The following OTOGL variants were observed in gnomAD, a reference collection of about 807,000 sequenced individuals.
OTOGL encodes the protein otogelin-like protein.
A neutral mutation model predicts 318.5 loss-of-function variants in OTOGL; 285 were observed. That is an observed-to-expected ratio of 0.89 (90% CI 0.81 to 0.99). The LOEUF is 0.99. OTOGL is among the 50% of genes least tolerant of loss of function. OTOGL has a pLI of 0.00. For synonymous variants in OTOGL, 987 were observed against 936.5 expected, an observed-to-expected ratio of 1.05 and a Z score of -0.99; for missense variants, 2,899 against 2,845.6, an observed-to-expected ratio of 1.02 and a Z score of -0.43.
intron 1 of OTOGL, among the ~76,000 whole-genome samples, chr12:80,120,776 G>A (rs1472499784): frequency 2.0e-5 from 3 of 152,120 alleles, no homozygotes; most frequent in African/African-American, 7.2e-5. Flanking sequence ...TGTCTGCAGA[G>A]TTGGGTTTAT....
intron 13 of OTOGL, among the ~76,000 whole-genome samples, chr12:80,253,230 C>G (rs1425492612): frequency 6.6e-6 from 1 of 151,990 alleles, no homozygotes; most frequent in Non-Finnish European, 1.5e-5. Context: ...TATGGTGAAC[C>G]TTGAGTTTTT....
At chr12:80,351,176 T>C (rs1012252580) in intron 44 of OTOGL, among the ~76,000 whole-genome samples, 1 of 152,248 alleles carries the variant, frequency 6.6e-6, no homozygotes, top group Non-Finnish European at 1.5e-5. Context: ...TTCCCCATTG[T>C]GTACTCTTGG....
intron 18 of OTOGL, among the ~76,000 whole-genome samples, chr12:80,260,457 C>G (rs1882434623): frequency 6.6e-6 from 1 of 152,062 alleles, no homozygotes; most frequent in Non-Finnish European, 1.5e-5. Flanking sequence ...TCTAAGGCAC[C>G]AGTCCCCGCC....
At chr12:80,292,988 A>T (rs1367015939) in intron 26 of OTOGL, among the ~76,000 whole-genome samples, 1 of 152,246 alleles carries the variant, frequency 6.6e-6, no homozygotes, top group Non-Finnish European at 1.5e-5. Flanking sequence ...TGGAAAGGTT[A>T]TCAAATATCA....
intron 32 of OTOGL, among the ~76,000 whole-genome samples, chr12:80,317,989 T>C (rs1045242694): frequency 6.6e-6 from 1 of 152,144 alleles, no homozygotes; most frequent in Admixed American, 6.6e-5. Context: ...GTGTCCCAGA[T>C]GATGGGTCAG....
At chr12:80,244,541 G>T (rs993938279) in intron 11 of OTOGL, among the ~76,000 whole-genome samples, 2 of 149,014 alleles carry the variant, frequency 1.3e-5, no homozygotes, top group Admixed American at 1.3e-4. Flanking sequence ...TGGTGTATAT[G>T]TGCCACATTT....
intron 46 of OTOGL, among the ~76,000 whole-genome samples, chr12:80,355,034 G>T (rs1255811298): frequency 1.3e-5 from 2 of 151,928 alleles, no homozygotes; most frequent in Non-Finnish European, 2.9e-5. Flanking sequence ...ATTTTTAACA[G>T]TTACTGTTTT....
intron 1 of OTOGL, among the ~76,000 whole-genome samples, chr12:80,148,631 T>C (rs561698641): frequency 1.1e-4 from 16 of 152,300 alleles, no homozygotes; most frequent in African/African-American, 3.8e-4. Context: ...TTCTCCTGCA[T>C]AATATCCTGC....
intron 32 of OTOGL, among the ~76,000 whole-genome samples, chr12:80,317,742 T>C (rs559080355): frequency 2.0e-5 from 3 of 152,294 alleles, no homozygotes; most frequent in Admixed American, 1.3e-4. Flanking sequence ...GCTATAATTT[T>C]CTTTGGTCCT....
Position 80,378,006 on chromosome 12 carries a change from C to T in OTOGL, c.7020C>T (p.Tyr2340=). Residue 2340 remains tyrosine (Y), a synonymous_variant, in exon 59 of 59, where the codon TAC becomes TAT. Transcript: ENST00000547103. ...CAGGAAATGGCACTGAAATTATGTA[C>T]ACTCTCCAGGAACCCATAGACTGTA... The part of the protein sequence containing the change: ...YCSGNGTEIM[Y]TLQEPIDCTC... 6.3e-7 allele frequency: 1 copy of T among 1,594,844 alleles called. No individual in the cohort carries two copies. Among genetic ancestry groups the T allele is most frequent in the East Asian group, 2.3e-5 (1 of 44,298 alleles).
chr12:80,184,050 T>G (rs1034914540), intron 1 of OTOGL, among the ~76,000 whole-genome samples: 1 of 152,180 alleles, frequency 6.6e-6, no homozygotes, highest in African/African-American at 2.4e-5. Flanking sequence ...TTATGGTACT[T>G]GAGACTAGAT....
rs1869232286 is a variant in OTOGL at position 80,103,034 on chromosome 12, G to A, written c.-20+3429G>A. ...GCCTAGTGATAACCACCTTGCTGGA[G>A]TGAATGCCTATGTGGACAGTTGTGC... On this transcript the variant is annotated intron_variant, in intron 1 of 58. Coordinates refer to ENST00000547103, the MANE Select transcript of OTOGL (RefSeq NM_001378609.3). 8 of 1,068,894 alleles carry A rather than the reference G, an allele frequency of 7.5e-6. No individual in the cohort carries two copies. In the East Asian group the frequency reaches 1.9e-4, roughly 25 times the overall value. The allele number at this position is 1,068,894 out of a possible 1,614,324, so 66.2% of individuals were successfully genotyped here.
intron 13 of OTOGL, among the ~76,000 whole-genome samples, chr12:80,253,245 G>T (rs1881731054): frequency 6.6e-6 from 1 of 151,966 alleles, no homozygotes; most frequent in Admixed American, 6.6e-5. Context: ...GTTTTTGATG[G>T]CAAGTCATGG....
In OTOGL at chr12:80,212,010, T is replaced by A; in HGVS notation, c.168+13T>A. On this transcript the variant is annotated intron_variant, in intron 4 of 58. Coordinates refer to ENST00000547103, the MANE Select transcript of OTOGL (RefSeq NM_001378609.3). ...TTTAGCAGCACAGGTAGGTTATGCT[T>A]CAGGTGGAGAGAGAGGCAGAGAAAT... 1 of 1,565,120 alleles carries A rather than the reference T, an allele frequency of 6.4e-7. No individual in the cohort carries two copies. The highest frequency in any genetic ancestry group is 8.6e-7 in the Non-Finnish European group (1 of 1,159,368).
intron 1 of OTOGL, among the ~76,000 whole-genome samples, chr12:80,172,744 G>A (rs534841489): frequency 3.9e-5 from 6 of 152,164 alleles, no homozygotes; most frequent in South Asian, 2.1e-4. Flanking sequence ...GCACGATCTC[G>A]GCTCACCGCA....
intron 34 of OTOGL, among the ~76,000 whole-genome samples, chr12:80,322,979 T>A (rs769451784): frequency 1.3e-5 from 2 of 152,094 alleles, no homozygotes; most frequent in Non-Finnish European, 2.9e-5. Context: ...AGAAATAATA[T>A]CTACTTAATA....
At chr12:80,314,484 A>T (rs1886849856) in intron 32 of OTOGL, among the ~76,000 whole-genome samples, 153 bp downstream of exon 32, 1 of 152,084 alleles carries the variant, frequency 6.6e-6, no homozygotes, top group Admixed American at 6.5e-5. Context: ...AAATTTTCAA[A>T]AATTTCTCAG....
intron 53 of OTOGL, among the ~76,000 whole-genome samples, chr12:80,367,181 C>T (rs889636138): frequency 3.4e-5 from 5 of 148,508 alleles, no homozygotes; most frequent in African/African-American, 1.2e-4. Flanking sequence ...TGCTATGTTT[C>T]CCAGGCTGGT....
intron 24 of OTOGL, among the ~76,000 whole-genome samples, chr12:80,272,462 C>T (rs1199283927): frequency 1.3e-5 from 2 of 151,782 alleles, no homozygotes; most frequent in Admixed American, 1.3e-4. Context: ...TCTTCCATTG[C>T]AGAAATGCCT....
Sources: gnomAD v4.1 joint callset for allele counts (sites outside exome capture counted in the v4.1 genomes callset) on GRCh38, gnomAD v4.1.1 for gene constraint, MANE v1.5 for transcripts, NCBI Gene and HGNC (gene_info 2026-07-23, HGNC 2026-07-21) for gene names.